ADAM9: variants seen among roughly 807,000 people sequenced by gnomAD.
ADAM9 encodes the protein disintegrin and metalloproteinase domain-containing protein 9.
ADAM9 carries 54 observed loss-of-function variants against 108.1 expected under a neutral mutation model. The observed-to-expected ratio is 0.50, with a 90% CI of 0.40 to 0.63. The LOEUF is 0.63. Among genes scored for constraint, ADAM9 ranks in the 20% least tolerant of loss-of-function variants. The pLI is 0.00. For missense variants in ADAM9, 830 were observed against 997.7 expected, an observed-to-expected ratio of 0.83 and a Z score of 2.26; for synonymous variants, 316 against 336.0, an observed-to-expected ratio of 0.94 and a Z score of 0.65.
chr8:39,009,131 T>C (rs1015034597), intron 2 of ADAM9, among the ~76,000 whole-genome samples: 6 of 152,180 alleles, frequency 3.9e-5, no homozygotes, highest in African/African-American at 1.4e-4. Context: ...ACTAGTTGGG[T>C]TGGTCACTCA....
At chr8:38,999,607 C>A (rs1835934902) in intron 1 of ADAM9, among the ~76,000 whole-genome samples, 1 of 152,076 alleles carries the variant, frequency 6.6e-6, no homozygotes, top group Admixed American at 6.5e-5. Flanking sequence ...TGTGTTTGTG[C>A]CGATAGGAGA....
At position 39,041,974 on chromosome 8, in the gene ADAM9, G is replaced by T. The variant is rs764525006; in HGVS notation, c.1159G>T (p.Ala387Ser). The T allele has an allele frequency of 1.2e-6, 2 of 1,613,882 alleles. No homozygotes were observed. Among genetic ancestry groups the T allele is most frequent in the African/African-American group, 2.7e-5 (2 of 74,914 alleles). The change falls in exon 12 of 22, where the codon GCA becomes TCA. Residue 387 changes from alanine to serine, a missense_variant. Around this residue, in one of 3 missense-constraint regions of ADAM9, gnomAD observed 381 missense variants for 539.8 expected, o/e 0.71. Coordinates refer to ENST00000487273, the MANE Select transcript of ADAM9 (RefSeq NM_003816.3). Reference protein sequence around the residue: ...SGSRNFSSCSAEDFEKLTLNK... With the variant: ...SGSRNFSSCSSEDFEKLTLNK... ...TTCCAGAAACTTTAGCAGTTGCAGTGCAGAGGACTTTGAGAAGTTAACTTT... is the reference window on the plus strand; with the variant it reads ...TTCCAGAAACTTTAGCAGTTGCAGTTCAGAGGACTTTGAGAAGTTAACTTT...
chr8:39,094,961 G>A (rs1164360747), intron 20 of ADAM9, among the ~76,000 whole-genome samples: 1 of 151,958 alleles, frequency 6.6e-6, no homozygotes, highest in Non-Finnish European at 1.5e-5. Context: ...GGCTCAGATT[G>A]TTCCTCTTTT....
chr8:39,011,782 T>C, intron 3 of ADAM9, 66 bp downstream of exon 3: 10 of 1,426,924 alleles, frequency 7.0e-6, no homozygotes, highest in Admixed American at 3.4e-5. Context: ...GTTTTCTTTC[T>C]AGTTTGATAT....
chr8:39,009,905 G>T (rs1353425400), intron 2 of ADAM9, among the ~76,000 whole-genome samples: 2 of 62,970 alleles, frequency 3.2e-5, no homozygotes, highest in African/African-American at 1.0e-4. Flanking sequence ...TGGGGGGGGG[G>T]GGCAGGGAGA....
At chr8:39,037,096 A>G (rs1389973087) in intron 11 of ADAM9, among the ~76,000 whole-genome samples, 2 of 106,844 alleles carry the variant, frequency 1.9e-5, no homozygotes, top group South Asian at 6.0e-4. Context: ...TCGCTCTGTC[A>G]CCCAGGCTGG....
chr8:39,037,883 T>C (rs1449538707), intron 11 of ADAM9, among the ~76,000 whole-genome samples: 1 of 152,230 alleles, frequency 6.6e-6, no homozygotes, highest in Non-Finnish European at 1.5e-5. Flanking sequence ...TCTAATAGGC[T>C]CAAACTCCTG....
At chr8:39,032,363 C>G (rs192823782) in intron 11 of ADAM9, among the ~76,000 whole-genome samples, 2 of 152,392 alleles carry the variant, frequency 1.3e-5, no homozygotes. Flanking sequence ...TTTACCTACT[C>G]AAGCCTCAGC....
intron 7 of ADAM9, among the ~76,000 whole-genome samples, chr8:39,021,245 A>C (rs1169645908): frequency 6.6e-6 from 1 of 152,168 alleles, no homozygotes; most frequent in East Asian, 1.9e-4. Flanking sequence ...GTTCAGAGGA[A>C]ATATTTGGAT....
intron 12 of ADAM9, among the ~76,000 whole-genome samples, chr8:39,048,140 C>T (rs747447387): frequency 1.2e-4 from 19 of 152,146 alleles, no homozygotes; most frequent in East Asian, 1.9e-4. Context: ...AGGCTGGTCT[C>T]GATCTCCTGA....
Position 39,084,929 on chromosome 8 carries a change from T to TA in ADAM9, c.2068+1856_2068+1857insA, listed in dbSNP as rs1839139740. On this transcript the variant is annotated intron_variant, in intron 18 of 21. Coordinates refer to ENST00000487273, the MANE Select transcript of ADAM9 (RefSeq NM_003816.3). ...TCTATCCTCTTTGTAAATTGACTCTTTATCCTTATGAAATAGCCTTCTTTT... is the reference window on the plus strand; with the variant it reads ...TCTATCCTCTTTGTAAATTGACTCTTATATCCTTATGAAATAGCCTTCTTTT... Among the ~76,000 whole-genome samples, 3 of 152,122 alleles carry TA rather than the reference T, an allele frequency of 2.0e-5. No homozygotes were observed. The South Asian group carries it at 6.2e-4, about 31-fold the overall frequency.
chr8:39,018,924 A>G lies in ADAM9; in HGVS notation c.672+6A>G. On this transcript the variant is annotated splice_donor_region_variant and intron_variant, in intron 7 of 21. Coordinates refer to ENST00000487273, the MANE Select transcript of ADAM9 (RefSeq NM_003816.3). ...TTGTCGTAGACAAGGAAAGGGTAAG[A>G]TTGGTGACAATTTTTCTTCTTTTCC... The G allele has an allele frequency of 6.2e-7, 1 of 1,613,846 alleles. No homozygotes were observed. The highest frequency in any genetic ancestry group is 2.2e-5 in the East Asian group (1 of 44,840).
At chr8:39,101,530 T>C (rs1237795212) in intron 20 of ADAM9, among the ~76,000 whole-genome samples, 1 of 152,224 alleles carries the variant, frequency 6.6e-6, no homozygotes, top group East Asian at 1.9e-4. Flanking sequence ...TTCTGATGGT[T>C]CAGCATACAC....
chr8:39,075,107 A>G (rs188955782), intron 15 of ADAM9, among the ~76,000 whole-genome samples: 15 of 152,000 alleles, frequency 9.9e-5, no homozygotes, highest in East Asian at 3.9e-4. Flanking sequence ...GGGTTTCCCT[A>G]TGTTGGCCAG....
chr8:39,023,236 G>A lies in ADAM9; in HGVS notation c.825G>A (p.Gly275=), dbSNP rs1373787488. 1 of 1,613,790 alleles carries A rather than the reference G, an allele frequency of 6.2e-7. No homozygotes were observed. Among genetic ancestry groups the A allele is most frequent in the Non-Finnish European group, 8.5e-7 (1 of 1,179,884 alleles). The part of the protein sequence containing the change: ...WTNGNLINIV[G]GAGDVLGNFV... Reference sequence around the variant, plus strand: ...ATGGAAACCTGATCAACATAGTTGGGGGTGCTGGTGATGTGCTGGGGAACT... The same window carrying A: ...ATGGAAACCTGATCAACATAGTTGGAGGTGCTGGTGATGTGCTGGGGAACT... Residue 275 remains glycine (G), a synonymous_variant, in exon 9 of 22, where the codon GGG becomes GGA. Transcript: ENST00000487273.
At position 39,055,641 on chromosome 8, in the gene ADAM9, A is replaced by G. The variant is rs202132858; in HGVS notation, c.1460A>G (p.Asn487Ser). 7 of 1,613,626 alleles carry G rather than the reference A, an allele frequency of 4.3e-6. No individual in the cohort carries two copies. Among genetic ancestry groups the G allele is most frequent in the African/African-American group, 1.3e-5 (1 of 74,894 alleles). Residue 487 changes from asparagine (N) to serine (S), a missense_variant, in exon 14 of 22, where the codon AAT becomes AGT. Asn to Ser is a conservative substitution (Grantham distance 46). Around this residue, in one of 3 missense-constraint regions of ADAM9, gnomAD observed 381 missense variants for 539.8 expected, o/e 0.71. Transcript: ENST00000487273. ...TSECDVPEYC[N>S]GSSQFCQPDV... Reference sequence around the variant, plus strand: ...GAGTGTGATGTTCCAGAGTACTGCAATGGTTCTTCTCAGTTCTGTCAGCCA... The same window carrying G: ...GAGTGTGATGTTCCAGAGTACTGCAGTGGTTCTTCTCAGTTCTGTCAGCCA...
rs553606722 is a variant in ADAM9, at chr8:39,027,976, T to C, written c.1130+1166T>C. On this transcript the variant is annotated intron_variant, in intron 11 of 21. Transcript: ENST00000487273. The stretch of plus-strand genomic sequence containing the variant: ...GTTGGTGCGTGCCTGTAGTCCCAGC[T>C]ACTCAGGAGGTTGAGGCAGGAGGAT... 5.8e-4 allele frequency among the ~76,000 whole-genome samples: 88 copies of C among 152,272 alleles called. 1 individual carries two copies. Among genetic ancestry groups the C allele is most frequent in the Non-Finnish European group, 7.5e-4 (51 of 68,012 alleles).
At chr8:39,092,034 C>T (rs1416231018) in intron 20 of ADAM9, among the ~76,000 whole-genome samples, 1 of 152,114 alleles carries the variant, frequency 6.6e-6, no homozygotes, top group East Asian at 1.9e-4. Flanking sequence ...AGCTGTAGGA[C>T]TGATAGTCAC....
At chr8:39,084,316 G>A (rs1325128177) in intron 18 of ADAM9, among the ~76,000 whole-genome samples, 3 of 150,452 alleles carry the variant, frequency 2.0e-5, no homozygotes, top group African/African-American at 7.3e-5. Context: ...GTTTCTTAAG[G>A]TGGAGGATGA....
Sources: allele counts gnomAD v4.1 joint callset (sites outside exome capture counted in the v4.1 genomes callset), GRCh38; gene constraint gnomAD v4.1.1; regional missense constraint gnomAD v4.1.1; transcripts MANE v1.5; gene names NCBI Gene and HGNC (gene_info 2026-07-23, HGNC 2026-07-21).